The following POSTN variants were observed in gnomAD, a reference collection of about 807,000 sequenced individuals.
The protein encoded by POSTN is osteoblast specific factor 2 (fasciclin I-like).
Under a neutral mutation model 104.5 loss-of-function variants are expected in POSTN, and 71 were observed. That is an observed-to-expected ratio of 0.68 (90% CI 0.56 to 0.83). The LOEUF is 0.83. Among genes scored for constraint, POSTN ranks in the 40% least tolerant of loss-of-function variants. The pLI is 0.00. For synonymous variants in POSTN, 355 were observed against 340.7 expected, an observed-to-expected ratio of 1.04 and a Z score of -0.46; for missense variants, 949 against 1,006.8, an observed-to-expected ratio of 0.94 and a Z score of 0.78.
Position 37,582,937 on chromosome 13 carries a change from A to T in POSTN, c.1244-423T>A, listed in dbSNP as rs185745389. Among the ~76,000 whole-genome samples the T allele has an allele frequency of 2.2e-4, 34 of 152,316 alleles. No individual in the cohort carries two copies. In the East Asian group the frequency reaches 6.6e-3, roughly 29 times the overall value. On this transcript the variant is annotated intron_variant, in intron 9 of 22. Coordinates refer to ENST00000379747, the MANE Select transcript of POSTN (RefSeq NM_006475.3). ...GAGAATCAAAGCAAACAACCTCTTA[A>T]ATATGGGTTATTGTCAAAACACATG...
intron 21 of POSTN, among the ~76,000 whole-genome samples, chr13:37,566,962 C>A (rs1234289083): frequency 1.3e-5 from 2 of 151,806 alleles, no homozygotes; most frequent in African/African-American, 4.8e-5. Context: ...CATGGCCGGG[C>A]GCGGTGGCTC....
intron 8 of POSTN, 48 bp downstream of exon 8, chr13:37,584,668 A>G: frequency 6.9e-7 from 1 of 1,456,924 alleles, no homozygotes; most frequent in Admixed American, 1.8e-5. Flanking sequence ...TAATTAGTAA[A>G]TTACAGTAAG....
At chr13:37,569,713 G>A (rs1308567162) in intron 20 of POSTN, 31 bp downstream of exon 20, 2 of 1,458,930 alleles carry the variant, frequency 1.4e-6, no homozygotes, top group Non-Finnish European at 1.9e-6. Flanking sequence ...CTTAGGTAAA[G>A]TCACATTCTT....
intron 5 of POSTN, among the ~76,000 whole-genome samples, chr13:37,587,494 G>C (rs1414554456): frequency 2.0e-5 from 3 of 152,154 alleles, no homozygotes; most frequent in African/African-American, 7.2e-5. Flanking sequence ...GCTAGAGGGG[G>C]AGTAAAAGAA....
chr13:37,573,856 A>G (rs1200564747), intron 17 of POSTN, among the ~76,000 whole-genome samples: 2 of 151,602 alleles, frequency 1.3e-5, no homozygotes, highest in African/African-American at 2.4e-5. Flanking sequence ...GTTGGCTAAC[A>G]TACATAGTGG....
rs756070477 is a variant in POSTN, at chr13:37,563,384, A to C, written c.2474-14T>G. On this transcript the variant is annotated splice_polypyrimidine_tract_variant and intron_variant, in intron 22 of 22. Coordinates refer to ENST00000379747, the MANE Select transcript of POSTN (RefSeq NM_006475.3). ...GTCTTCTAGATCCTAATTAGAAAGA[A>C]AGGAGAATGTATAGACTGTAAATGT... 1.9e-6 allele frequency: 3 copies of C among 1,560,204 alleles called. No homozygotes were observed. The highest frequency in any genetic ancestry group is 2.6e-6 in the Non-Finnish European group (3 of 1,138,306).
rs1046219355 is a variant in POSTN, at chr13:37,562,920, A to G, written c.*413T>C. The G allele has an allele frequency of 1.3e-5, 2 of 153,516 alleles. No homozygotes were observed. Among genetic ancestry groups the G allele is most frequent in the East Asian group, 1.9e-4 (1 of 5,250 alleles). 9.5% of individuals were successfully genotyped at this position (153,516 alleles called of 1,614,324 possible). On this transcript the variant is annotated 3_prime_UTR_variant, in exon 23 of 23. Coordinates refer to ENST00000379747, the MANE Select transcript of POSTN (RefSeq NM_006475.3). ...ACCTATTTTTATAACTTAGCTTCCCATGGAGAGATAATGGCTTGCGTGCAT... is the reference window on the plus strand; with the variant it reads ...ACCTATTTTTATAACTTAGCTTCCCGTGGAGAGATAATGGCTTGCGTGCAT...
At chr13:37,579,812 T>G in intron 12 of POSTN, 49 bp downstream of exon 12, 2 of 1,578,854 alleles carry the variant, frequency 1.3e-6, no homozygotes, top group Non-Finnish European at 1.7e-6. Flanking sequence ...GAGAAAGAAG[T>G]GAGATCCTGA....
At chr13:37,591,722 A>C (rs555039838) in intron 3 of POSTN, among the ~76,000 whole-genome samples, 1 of 152,174 alleles carries the variant, frequency 6.6e-6, no homozygotes, top group South Asian at 2.1e-4. Flanking sequence ...AGAGGAAACC[A>C]AATTTCAATA....
intron 21 of POSTN, 141 bp from the exon 22 acceptor site, chr13:37,564,701 T>C: frequency 4.2e-6 from 2 of 479,362 alleles, no homozygotes; most frequent in Non-Finnish European, 7.5e-6. Context: ...TTAAATTTTA[T>C]GATCCTCAGA....
At chr13:37,580,096 A>C in intron 11 of POSTN, 105 bp from the exon 12 acceptor site, 2 of 1,039,580 alleles carry the variant, frequency 1.9e-6, no homozygotes, top group Non-Finnish European at 2.8e-6. Context: ...AAAGCATGAG[A>C]GAACTGCTCA....
intron 10 of POSTN, among the ~76,000 whole-genome samples, chr13:37,581,768 A>G (rs1950596703): frequency 6.6e-6 from 1 of 152,034 alleles, no homozygotes; most frequent in South Asian, 2.1e-4. Context: ...GAGTCCAGAA[A>G]TCTCTATGTG....
chr13:37,577,382 GAAC>G (rs747111430), intron 16 of POSTN, among the ~76,000 whole-genome samples: 6 of 152,230 alleles, frequency 3.9e-5, no homozygotes, highest in African/African-American at 7.2e-5. Flanking sequence ...AGGGTGGCGT[GAAC>G]AACAAGTCTT....
At chr13:37,590,083 A>G (rs1950882258) in intron 4 of POSTN, among the ~76,000 whole-genome samples, 1 of 152,116 alleles carries the variant, frequency 6.6e-6, no homozygotes, top group African/African-American at 2.4e-5. Context: ...ATATCCTCAC[A>G]AACAAACAGG....
Position 37,580,638 on chromosome 13 carries a change from C to T in POSTN, c.1452G>A (p.Ala484=), listed in dbSNP as rs773995250. Residue 484 remains alanine, a synonymous_variant, in exon 11 of 23, where the codon GCG becomes GCA. Coordinates refer to ENST00000379747, the MANE Select transcript of POSTN (RefSeq NM_006475.3). ...EKGSKQGRNG[A]IHIFREIIKP... ...TGATGATCTCGCGGAATATGTGAAT[C>T]GCACCGTTTCTCCCTTGCTTACTCC... 13 of 1,613,932 alleles carry T rather than the reference C, an allele frequency of 8.1e-6. No individual in the cohort carries two copies. The African/African-American group carries it at 9.3e-5, about 12-fold the overall frequency.
chr13:37,588,318 C>A (rs1950817315), intron 4 of POSTN, among the ~76,000 whole-genome samples: 1 of 151,938 alleles, frequency 6.6e-6, no homozygotes, highest in Non-Finnish European at 1.5e-5. Context: ...CTTTAAATGG[C>A]AAACAAAAGA....
chr13:37,572,108 C>G (rs528390095), intron 17 of POSTN, among the ~76,000 whole-genome samples: 1 of 151,686 alleles, frequency 6.6e-6, no homozygotes, highest in South Asian at 2.1e-4. Flanking sequence ...ATTTGACTTG[C>G]AAAATGATTT....
chr13:37,577,678 T>C, intron 16 of POSTN, 75 bp downstream of exon 16: 4 of 1,556,938 alleles, frequency 2.6e-6, no homozygotes, highest in South Asian at 1.2e-5. Flanking sequence ...ATAATCTCTG[T>C]AAATACAAAG....
At chr13:37,590,859 A>G (rs945720327) in intron 3 of POSTN, among the ~76,000 whole-genome samples, 9 of 152,128 alleles carry the variant, frequency 5.9e-5, no homozygotes, top group Non-Finnish European at 1.0e-4. Flanking sequence ...ATTTAAATCT[A>G]TCATTTTTAT....
Sources: allele counts gnomAD v4.1 joint callset (sites outside exome capture counted in the v4.1 genomes callset), GRCh38; gene constraint gnomAD v4.1.1; transcripts MANE v1.5; gene names NCBI Gene and HGNC (gene_info 2026-07-23, HGNC 2026-07-21).